The following PPARGC1A variants were observed in gnomAD, a reference collection of about 807,000 sequenced individuals.
PPARGC1A encodes the protein PPARG coactivator 1 alpha, also known as peroxisome proliferator-activated receptor gamma coactivator 1-alpha.
Under a neutral mutation model 88.7 loss-of-function variants are expected in PPARGC1A, and 25 were observed. The ratio of observed to expected loss-of-function variants is 0.28; its 90% CI spans 0.21 to 0.39. The LOEUF is 0.39. Among genes scored for constraint, PPARGC1A ranks in the 10% least tolerant of loss-of-function variants. PPARGC1A has a pLI of 1.00. For missense variants in PPARGC1A, 880 were observed against 968.7 expected, an observed-to-expected ratio of 0.91 and a Z score of 1.22; for synonymous variants, 363 against 355.6, an observed-to-expected ratio of 1.02 and a Z score of -0.24.
At chr4:24,002,481 C>T in the PPARGC1A span, among the ~76,000 whole-genome samples, 1 of 152,034 alleles carries the variant, frequency 6.6e-6, no homozygotes, top group Non-Finnish European at 1.5e-5. Context: ...TTCTAGGGAA[C>T]AGGAATTACT....
the PPARGC1A span, among the ~76,000 whole-genome samples, chr4:24,008,873 G>A: frequency 6.6e-6 from 1 of 152,068 alleles, no homozygotes; most frequent in Non-Finnish European, 1.5e-5. Context: ...TTATTATTCT[G>A]TTACTGTCTT....
the PPARGC1A span, among the ~76,000 whole-genome samples, chr4:24,104,906 G>A: frequency 3.9e-5 from 6 of 152,096 alleles, no homozygotes; most frequent in African/African-American, 1.4e-4. Context: ...TGTAACTTTG[G>A]GCAATTTACT....
chr4:24,296,081 CATAT>C, the PPARGC1A span, among the ~76,000 whole-genome samples: 2 of 149,364 alleles, frequency 1.3e-5, no homozygotes, highest in Non-Finnish European at 3.0e-5. Flanking sequence ...TATATATGTA[CATAT>C]ATACACACAT....
chr4:24,044,645 A>G, the PPARGC1A span, among the ~76,000 whole-genome samples: 146 of 152,280 alleles, frequency 9.6e-4, 1 homozygote, highest in African/African-American at 3.5e-3. Flanking sequence ...GACATCATAT[A>G]CATTCAGCTT....
At chr4:24,382,832 T>C in the PPARGC1A span, among the ~76,000 whole-genome samples, 1 of 152,252 alleles carries the variant, frequency 6.6e-6, no homozygotes, top group South Asian at 2.1e-4. Flanking sequence ...TAAACGTTCC[T>C]GCTGCTGGCT....
chr4:24,374,865 A>G, the PPARGC1A span, among the ~76,000 whole-genome samples: 1 of 152,184 alleles, frequency 6.6e-6, no homozygotes, highest in African/African-American at 2.4e-5. Context: ...TGGTGTTACT[A>G]TATGACCCAA....
At chr4:24,311,083 ATTCTTTT>A in the PPARGC1A span, among the ~76,000 whole-genome samples, 3 of 116,114 alleles carry the variant, frequency 2.6e-5, no homozygotes, top group South Asian at 2.9e-4. Context: ...TTATATAATA[ATTCTTTT>A]TTTTTTTTTT....
chr4:23,945,617 C>A, the PPARGC1A span, among the ~76,000 whole-genome samples: 35 of 152,198 alleles, frequency 2.3e-4, no homozygotes, highest in African/African-American at 7.9e-4. Context: ...GTTGAGTAAG[C>A]GGGGAGGGTG....
chr4:23,889,769 A>T (rs898121792), intron 1 of PPARGC1A, 135 bp downstream of exon 1: 1 of 1,042,348 alleles, frequency 9.6e-7, no homozygotes, highest in African/African-American at 1.6e-5. Context: ...TAAGATTGAG[A>T]TTCTTCTAAA....
the PPARGC1A span, among the ~76,000 whole-genome samples, chr4:24,014,022 G>A: frequency 2.6e-5 from 4 of 152,138 alleles, no homozygotes; most frequent in South Asian, 4.2e-4. Flanking sequence ...CTTCTTCCTC[G>A]TGCAATGCTG....
At chr4:24,212,680 C>T in the PPARGC1A span, among the ~76,000 whole-genome samples, 3 of 152,202 alleles carry the variant, frequency 2.0e-5, no homozygotes, top group African/African-American at 7.2e-5. Flanking sequence ...GCATAACAAA[C>T]TAAGCCCCCT....
At chr4:23,917,062 T>G in the PPARGC1A span, among the ~76,000 whole-genome samples, 1 of 152,174 alleles carries the variant, frequency 6.6e-6, no homozygotes, top group Non-Finnish European at 1.5e-5. Context: ...CACCCTCCTC[T>G]GCCTGTAGAT....
At chr4:23,898,999 C>A (rs1262541533) in intron 1 of PPARGC1A, among the ~76,000 whole-genome samples, 1 of 151,928 alleles carries the variant, frequency 6.6e-6, no homozygotes, top group Non-Finnish European at 1.5e-5. Context: ...CGACGCCCGG[C>A]TAATTTTTTT....
At chr4:23,894,533 A>T (rs1287008426), upstream of PPARGC1A, among the ~76,000 whole-genome samples, 1 of 152,158 alleles carries the variant, frequency 6.6e-6, no homozygotes, top group Non-Finnish European at 1.5e-5. Context: ...AAATCAAGAC[A>T]GCTTGAATGT....
At chr4:24,398,188 G>GA in the PPARGC1A span, among the ~76,000 whole-genome samples, 1 of 151,790 alleles carries the variant, frequency 6.6e-6, no homozygotes, top group African/African-American at 2.4e-5. Context: ...TTATTATATA[G>GA]AAAAAAAGAT....
chr4:23,823,084 G>A (rs548776040), intron 7 of PPARGC1A, among the ~76,000 whole-genome samples: 27 of 150,906 alleles, frequency 1.8e-4, no homozygotes, highest in East Asian at 9.8e-4. Context: ...AAAATCTCCT[G>A]TAAATGAATG....
chr4:23,893,173 CAA>C (rs771430752), upstream of PPARGC1A, among the ~76,000 whole-genome samples: 1 of 63,962 alleles, frequency 1.6e-5, no homozygotes, highest in African/African-American at 1.1e-4. Context: ...GAGTTGCTAA[CAA>C]AGAGAAAAAA....
At chr4:24,458,202 C>T in the PPARGC1A span, among the ~76,000 whole-genome samples, 2 of 152,088 alleles carry the variant, frequency 1.3e-5, no homozygotes, top group Non-Finnish European at 2.9e-5. Context: ...TTTTCAAATG[C>T]ACAAAGAAAA....
the PPARGC1A span, among the ~76,000 whole-genome samples, chr4:24,162,060 C>T: frequency 4.0e-5 from 6 of 151,776 alleles, no homozygotes; most frequent in South Asian, 2.1e-4. Context: ...TAATGGCATT[C>T]GCAGCAACCT....
Sources: allele counts gnomAD v4.1 joint callset (sites outside exome capture counted in the v4.1 genomes callset), GRCh38; gene constraint gnomAD v4.1.1; transcripts MANE v1.5; gene names NCBI Gene and HGNC (gene_info 2026-07-23, HGNC 2026-07-21).